MDH2: variants seen among roughly 807,000 people sequenced by gnomAD.
MDH2 encodes the protein malate dehydrogenase 2.
Under a neutral mutation model 33.6 loss-of-function variants are expected in MDH2, and 25 were observed. That is an observed-to-expected ratio of 0.74 (90% CI 0.54 to 1.04). The LOEUF is 1.04. MDH2 is among the 50% of genes least tolerant of loss of function. MDH2 has a pLI of 0.00. For missense variants in MDH2, 432 were observed against 445.0 expected (o/e 0.97, Z 0.26); for synonymous variants, 193 against 188.7 (o/e 1.02, Z -0.19).
rs1040576163 is a variant in MDH2, at chr7:76,064,340, G to A, written c.635G>A (p.Cys212Tyr). The A allele has an allele frequency of 1.2e-6, 2 of 1,610,376 alleles. No individual in the cohort carries two copies. The highest frequency in any genetic ancestry group is 1.7e-6 in the Non-Finnish European group (2 of 1,178,670). The change falls in exon 7 of 9, where the codon TGC becomes TAC. Residue 212 changes from cysteine to tyrosine, a missense_variant and splice_region_variant. Physicochemically the swap from Cys to Tyr is radical, Grantham distance 194. Transcript: ENST00000315758. ...CTGATCCCATGGCTTGGCTTGCAGTGCACCCCCAAGGTGGACTTTCCCCAG... is the reference window on the plus strand; with the variant it reads ...CTGATCCCATGGCTTGGCTTGCAGTACACCCCCAAGGTGGACTTTCCCCAG... ...GKTIIPLISQ[C>Y]TPKVDFPQDQ...
intron 4 of MDH2, among the ~76,000 whole-genome samples, chr7:76,059,191 G>A (rs1043512512): frequency 2.0e-5 from 3 of 152,098 alleles, no homozygotes; most frequent in East Asian, 1.9e-4. Context: ...TGATCCTCCC[G>A]CCTCACTCTC....
At chr7:76,061,572 C>A (rs1797949983) in intron 5 of MDH2, among the ~76,000 whole-genome samples, 1 of 151,642 alleles carries the variant, frequency 6.6e-6, no homozygotes, top group Non-Finnish European at 1.5e-5. Flanking sequence ...CCCAGGAGTT[C>A]AAGACTGCAA....
At chr7:76,048,385 C>G (rs1174040222) in intron 1 of MDH2, 159 bp downstream of exon 1, 3 of 1,207,990 alleles carry the variant, frequency 2.5e-6, no homozygotes, top group Non-Finnish European at 3.3e-6. Context: ...GGCCCTGACA[C>G]TGGCCTGGAG....
chr7:76,051,314 T>C (rs1487289681), intron 1 of MDH2, among the ~76,000 whole-genome samples: 2 of 149,782 alleles, frequency 1.3e-5, no homozygotes, highest in African/African-American at 5.0e-5. Context: ...TCTCCAGACT[T>C]TGGATTTTTT....
intron 6 of MDH2, among the ~76,000 whole-genome samples, chr7:76,064,065 C>T (rs1798026168): frequency 6.6e-6 from 1 of 151,838 alleles, no homozygotes; most frequent in Non-Finnish European, 1.5e-5. Flanking sequence ...CCACACTTCC[C>T]AACAGAGTTG....
intron 1 of MDH2, among the ~76,000 whole-genome samples, chr7:76,050,427 G>A (rs1425449494): frequency 6.6e-6 from 1 of 152,216 alleles, no homozygotes; most frequent in Non-Finnish European, 1.5e-5. Flanking sequence ...TATGGAAAGA[G>A]TATTGCAGGT....
Position 76,057,143 on chromosome 7 carries a change from C to T in MDH2, c.236-267C>T, listed in dbSNP as rs144689169. ...GATGAAGACAAGCAGTGGCTCAGTT[C>T]GCTTTTGTGGAAACCTGGAGGGCTG... On this transcript the variant is annotated intron_variant, in intron 2 of 8. Coordinates refer to ENST00000315758, the MANE Select transcript of MDH2 (RefSeq NM_005918.4). Among the ~76,000 whole-genome samples the T allele has an allele frequency of 1.9e-3, 282 of 152,202 alleles. 1 individual carries two copies. The highest frequency in any genetic ancestry group is 6.4e-3 in the African/African-American group (266 of 41,520).
rs532779141 is a variant in MDH2, at chr7:76,066,472, T to C, written c.*62T>C. ...AAGGCATCATGTCACTGCAAAGCCG[T>C]TGCAGATAAACTTTGTATTTTAATT... On this transcript the variant is annotated 3_prime_UTR_variant, in exon 9 of 9. Coordinates refer to ENST00000315758, the MANE Select transcript of MDH2 (RefSeq NM_005918.4). 1 of 1,540,750 alleles carries C rather than the reference T, an allele frequency of 6.5e-7. No individual in the cohort carries two copies. The highest frequency in any genetic ancestry group is 8.8e-7 in the Non-Finnish European group (1 of 1,142,272).
intron 1 of MDH2, among the ~76,000 whole-genome samples, chr7:76,053,705 G>C (rs931755830): frequency 6.6e-6 from 1 of 152,102 alleles, no homozygotes. Context: ...GAGAGTTCCC[G>C]TGTCTGCCAC....
chr7:76,050,088 G>A (rs1033327623), intron 1 of MDH2, among the ~76,000 whole-genome samples: 51 of 152,274 alleles, frequency 3.3e-4, no homozygotes, highest in Middle Eastern at 3.4e-3. Flanking sequence ...ATGGAGTGCA[G>A]TGGCGCCATC....
At chr7:76,061,498 G>C (rs1797947787) in intron 5 of MDH2, among the ~76,000 whole-genome samples, 1 of 152,192 alleles carries the variant, frequency 6.6e-6, no homozygotes, top group South Asian at 2.1e-4. Flanking sequence ...GTTTAAGCCT[G>C]GCACAGTGGC....
chr7:76,049,192 C>T (rs1554584894), intron 1 of MDH2: 1 of 821,368 alleles, frequency 1.2e-6, no homozygotes, highest in African/African-American at 1.9e-5. Context: ...GGATTGATGG[C>T]TACTTCCCAT....
intron 8 of MDH2, among the ~76,000 whole-genome samples, 166 bp from the exon 9 acceptor site, chr7:76,066,113 G>A (rs1244047967): frequency 3.9e-5 from 6 of 152,034 alleles, no homozygotes; most frequent in Non-Finnish European, 7.4e-5. Flanking sequence ...ACTCCTGACC[G>A]CAGCTCAGTC....
intron 4 of MDH2, among the ~76,000 whole-genome samples, chr7:76,059,670 T>C (rs1252133579): frequency 1.3e-5 from 2 of 152,218 alleles, no homozygotes; most frequent in African/African-American, 4.8e-5. Flanking sequence ...ATGATGTCAC[T>C]GAGAGGCATG....
chr7:76,054,847 T>C lies in MDH2; in HGVS notation c.84T>C (p.Ala28=). 1 of 1,613,872 alleles carries C rather than the reference T, an allele frequency of 6.2e-7. No individual in the cohort carries two copies. Among genetic ancestry groups the C allele is most frequent in the Non-Finnish European group, 8.5e-7 (1 of 1,179,914 alleles). Residue 28 remains alanine (A), a synonymous_variant, in exon 2 of 9, where the codon GCT becomes GCC. Transcript: ENST00000315758. The part of the protein sequence containing the change: ...STSAQNNAKV[A]VLGASGGIGQ... ...CTTTTTAGAACAATGCTAAAGTAGC[T>C]GTGCTAGGGGCCTCTGGAGGCATCG...
intron 2 of MDH2, among the ~76,000 whole-genome samples, chr7:76,055,830 A>AG (rs1554586205): frequency 1.0e-3 from 145 of 141,970 alleles, no homozygotes; most frequent in African/African-American, 3.5e-3. Flanking sequence ...ATGTCACCAA[A>AG]TTTTTTTTTT....
chr7:76,049,530 G>A (rs1485258748), intron 1 of MDH2, among the ~76,000 whole-genome samples: 1 of 152,146 alleles, frequency 6.6e-6, no homozygotes, highest in Non-Finnish European at 1.5e-5. Context: ...GGCGATGAAG[G>A]TCTTAGGGAA....
Position 76,064,392 on chromosome 7 carries a change from G to C in MDH2, c.687G>C (p.Arg229=). The C allele has an allele frequency of 6.2e-7, 1 of 1,613,738 alleles. No individual in the cohort carries two copies. Among genetic ancestry groups the C allele is most frequent in the Non-Finnish European group, 8.5e-7 (1 of 1,179,916 alleles). ...PQDQLTALTG[R]IQEAGTEVVK... is the part of the protein sequence containing the mutation. ...ACCAGCTGACAGCACTCACTGGGCG[G>C]ATCCAGGAGGCCGGCACGGAGGTGG... The change falls in exon 7 of 9, where the codon CGG becomes CGC. Residue 229 remains arginine, a synonymous_variant. Transcript: ENST00000315758.
At chr7:76,065,122 A>T (rs1798061584) in intron 8 of MDH2, 169 bp downstream of exon 8, 3 of 731,506 alleles carry the variant, frequency 4.1e-6, no homozygotes, top group Non-Finnish European at 6.5e-6. Context: ...AGCTGGGAGG[A>T]TCACAGACTG....
Sources: allele counts gnomAD v4.1 joint callset (sites outside exome capture counted in the v4.1 genomes callset), GRCh38; gene constraint gnomAD v4.1.1; transcripts MANE v1.5; gene names NCBI Gene and HGNC (gene_info 2026-07-23, HGNC 2026-07-21).